Variants in CEMIP observed in about 807,000 individuals in gnomAD.
CEMIP encodes cell migration inducing hyaluronidase 1.
Under a neutral mutation model 156.9 loss-of-function variants are expected in CEMIP, and 105 were observed. The observed-to-expected ratio is 0.67, with a 90% CI of 0.57 to 0.79. The LOEUF is 0.79. CEMIP is among the 30% of genes least tolerant of loss of function. The pLI, the probability that CEMIP is intolerant of heterozygous loss-of-function variation, is 0.00. For synonymous variants in CEMIP, 676 were observed against 668.4 expected, an observed-to-expected ratio of 1.01 and a Z score of -0.17; for missense variants, 1,457 against 1,769.4, an observed-to-expected ratio of 0.82 and a Z score of 3.17.
chr15:80,932,136 C>T lies in CEMIP; in HGVS notation c.2793+97C>T, dbSNP rs1900941999. On this transcript the variant is annotated intron_variant, in intron 22 of 29. Coordinates refer to ENST00000394685, the MANE Select transcript of CEMIP (RefSeq NM_001293298.2). This position sits in a 1 kb window ranked among gnomAD's most constrained non-coding sequence, Gnocchi z 4.5. ...CCAGAGTTTGAGCTATTGCCACCAC[C>T]GCAGGGGTTGAGAAGCCTCCTCCAA... The T allele has an allele frequency of 1.3e-5, 18 of 1,413,500 alleles. No homozygotes were observed. The highest frequency in any genetic ancestry group is 1.1e-5 in the Non-Finnish European group (11 of 1,014,142). 87.6% of individuals were successfully genotyped at this position (1,413,500 alleles called of 1,614,324 possible). A position where few individuals can be genotyped will look rare whatever the true frequency, so the allele number is the denominator to read the frequency against.
chr15:80,828,275 G>A (rs1002255559), intron 1 of CEMIP, among the ~76,000 whole-genome samples: 1 of 152,092 alleles, frequency 6.6e-6, no homozygotes, highest in African/African-American at 2.4e-5. Flanking sequence ...AGTTACTCGG[G>A]AGGCTCAGCC....
chr15:80,928,285 C>T (rs763253807), intron 19 of CEMIP, among the ~76,000 whole-genome samples: 4 of 152,058 alleles, frequency 2.6e-5, no homozygotes, highest in Non-Finnish European at 4.4e-5. Context: ...CGCAATCAGA[C>T]GCCCCCCAGA....
intron 19 of CEMIP, 83 bp downstream of exon 19, chr15:80,925,838 A>G (rs1389307844): frequency 6.5e-7 from 1 of 1,534,758 alleles, no homozygotes. Context: ...AGGAGAGCAA[A>G]GCAGAGAGGG....
chr15:80,844,146 C>G (rs566884853), intron 1 of CEMIP, among the ~76,000 whole-genome samples: 8 of 152,358 alleles, frequency 5.3e-5, no homozygotes, highest in African/African-American at 9.6e-5. Context: ...CCACACAGCC[C>G]CGGGCCAACC....
chr15:80,921,733 T>G (rs1900477489), intron 16 of CEMIP, among the ~76,000 whole-genome samples: 1 of 152,230 alleles, frequency 6.6e-6, no homozygotes, highest in African/African-American at 2.4e-5. Context: ...GAAGAGGAGT[T>G]TCAGCCCTGC....
intron 1 of CEMIP, among the ~76,000 whole-genome samples, chr15:80,859,524 G>T (rs1897933510): frequency 6.6e-6 from 1 of 152,226 alleles, no homozygotes; most frequent in Non-Finnish European, 1.5e-5. Context: ...AGGTCAGAAG[G>T]CCTTTGCCCC....
chr15:80,941,638 T>C (rs1054804525), intron 25 of CEMIP, among the ~76,000 whole-genome samples: 1 of 152,254 alleles, frequency 6.6e-6, no homozygotes, highest in African/African-American at 2.4e-5. Context: ...GTGCTCAGAA[T>C]AGAATTGCCA....
At chr15:80,785,299 T>A (rs1422895848) in intron 1 of CEMIP, among the ~76,000 whole-genome samples, 4 of 152,208 alleles carry the variant, frequency 2.6e-5, no homozygotes, top group Admixed American at 2.0e-4. Flanking sequence ...TTCTTCTTTT[T>A]TGAACCTGAA....
At position 80,889,473 on chromosome 15, in the gene CEMIP, G is replaced by A. The variant is rs77954040; in HGVS notation, c.967G>A (p.Val323Met). ...VSLSSEWVQD[V>M]EWTEWFDHDK... ...TGTGCTGTTTGCTTTCTGCCTAGAC[G>A]TGGAGTGGACGGAGTGGTTCGATCA... The change falls in exon 10 of 30, where the codon GTG (valine) becomes ATG (methionine). Residue 323 changes from valine (V) to methionine (M), a missense_variant and splice_region_variant. By Grantham distance (21) the Val-to-Met change is conservative (BLOSUM62 1). This residue lies in a region of CEMIP where 280 missense variants were observed against 300.3 expected (regional missense o/e 0.93). Transcript: ENST00000394685. 5.4e-4 allele frequency: 868 copies of A among 1,614,014 alleles called. 6 individuals are homozygous for A. The African/African-American group carries it at 7.4e-3, about 14-fold the overall frequency.
intron 1 of CEMIP, among the ~76,000 whole-genome samples, chr15:80,844,107 G>A (rs1440555090): frequency 6.6e-6 from 1 of 152,226 alleles, no homozygotes; most frequent in African/African-American, 2.4e-5. Context: ...GAGCACTAAG[G>A]CTGCCACCCA....
chr15:80,926,094 A>G (rs1900656097), intron 19 of CEMIP, among the ~76,000 whole-genome samples: 1 of 152,244 alleles, frequency 6.6e-6, no homozygotes, highest in Admixed American at 6.5e-5. Flanking sequence ...GGCACTTACT[A>G]TGTGAAAGCC....
At chr15:80,940,465 C>G (rs1901293897) in intron 25 of CEMIP, among the ~76,000 whole-genome samples, 1 of 152,200 alleles carries the variant, frequency 6.6e-6, no homozygotes. Flanking sequence ...GAGACGTGAC[C>G]ATGGGCAGCA....
intron 8 of CEMIP, among the ~76,000 whole-genome samples, chr15:80,888,407 G>A (rs1378467357): frequency 6.6e-6 from 1 of 152,132 alleles, no homozygotes; most frequent in Non-Finnish European, 1.5e-5. Context: ...AAGGCTGCGG[G>A]AAGCGCTGCA....
chr15:80,924,798 ATC>A (rs1326089136), intron 18 of CEMIP, 92 bp downstream of exon 18: 10 of 1,118,216 alleles, frequency 8.9e-6, no homozygotes, highest in Non-Finnish European at 1.3e-5. Flanking sequence ...TTCCCTGAGC[ATC>A]TGTTGAGCCC....
rs1308531251 is a variant in CEMIP, at chr15:80,920,096, C to T, written c.1800C>T (p.Ile600=). ...CACCCCTGTCTTGACCCCTGCAGAT[C>T]AAGGACGTTGTGGGCTATAACTCTT... ...VTVHGSNGLL[I]KDVVGYNSLG... Residue 600 remains isoleucine (I), a splice_region_variant and synonymous_variant, in exon 15 of 30, where the codon ATC becomes ATT. Transcript: ENST00000394685. 1.9e-6 allele frequency: 3 copies of T among 1,614,214 alleles called. No homozygotes were observed. The highest frequency in any genetic ancestry group is 2.2e-5 in the East Asian group (1 of 44,880).
intron 11 of CEMIP, 104 bp downstream of exon 11, chr15:80,895,226 A>G: frequency 6.7e-7 from 1 of 1,484,540 alleles, no homozygotes. Flanking sequence ...CAGTGCTCCC[A>G]AAGGAGAGCA....
Position 80,881,050 on chromosome 15 carries a change from C to A in CEMIP, c.531C>A (p.Gly177=). ...TLHPGGMAEG[G]YFFERSWGHR... ...ACCCAGGTGGCATGGCAGAAGGAGG[C>A]TATTTTTTTGAAAGGAGCTGGGGCC... The change falls in exon 6 of 30, where the codon GGC becomes GGA. Residue 177 remains glycine, a synonymous_variant. Coordinates refer to ENST00000394685, the MANE Select transcript of CEMIP (RefSeq NM_001293298.2). 1 of 1,614,184 alleles carries A rather than the reference C, an allele frequency of 6.2e-7. No homozygotes were observed. The highest frequency in any genetic ancestry group is 1.7e-5 in the Admixed American group (1 of 60,022).
chr15:80,845,825 T>C (rs1897540159), intron 1 of CEMIP, among the ~76,000 whole-genome samples: 1 of 152,078 alleles, frequency 6.6e-6, no homozygotes, highest in South Asian at 2.1e-4. Flanking sequence ...TCAGAGAAAA[T>C]GGCTTAGACC....
Position 80,878,806 on chromosome 15 carries a change from G to A in CEMIP, c.180G>A (p.Gln60=), listed in dbSNP as rs371125921. The change falls in exon 4 of 30, where the codon CAG becomes CAA. Residue 60 remains glutamine, a synonymous_variant. Transcript: ENST00000394685. The stretch of plus-strand genomic sequence containing the variant: ...AAGACCACCATGTGCATATCGGCCA[G>A]GGCAAGACACTGCTGCTCACCTCTT... The part of the protein sequence containing the change: ...HDQDHHVHIG[Q]GKTLLLTSSA... The A allele has an allele frequency of 2.3e-5, 37 of 1,614,042 alleles. No homozygotes were observed. The East Asian group carries it at 2.5e-4, about 11-fold the overall frequency.
Sources: allele counts gnomAD v4.1 joint callset (sites outside exome capture counted in the v4.1 genomes callset), GRCh38; gene constraint gnomAD v4.1.1; regional missense constraint gnomAD v4.1.1; non-coding constraint Gnocchi (gnomAD v3.1); transcripts MANE v1.5; gene names NCBI Gene and HGNC (gene_info 2026-07-23, HGNC 2026-07-21).